ATXN1: variants seen among roughly 807,000 people sequenced by gnomAD.
The protein encoded by ATXN1 is ataxin 1.
Under a neutral mutation model 56.4 loss-of-function variants are expected in ATXN1, and 8 were observed. The observed-to-expected ratio is 0.14, with a 90% CI of 0.08 to 0.26. The LOEUF is 0.26. Among genes scored for constraint, ATXN1 ranks in the 10% least tolerant of loss-of-function variants. The pLI, the probability that ATXN1 is intolerant of heterozygous loss-of-function variation, is 1.00. For synonymous variants in ATXN1, 514 were observed against 494.6 expected, an observed-to-expected ratio of 1.04 and a Z score of -0.52; for missense variants, 987 against 1,106.5, an observed-to-expected ratio of 0.89 and a Z score of 1.53.
At chr6:16,481,695 G>C (rs1026102084) in intron 6 of ATXN1, among the ~76,000 whole-genome samples, 25 of 152,014 alleles carry the variant, frequency 1.6e-4, no homozygotes, top group Non-Finnish European at 2.4e-4. Flanking sequence ...CATTAAATGG[G>C]TTTCATTTGT....
chr6:16,692,633 A>G (rs1351368404), intron 2 of ATXN1, among the ~76,000 whole-genome samples: 2 of 146,316 alleles, frequency 1.4e-5, no homozygotes, highest in African/African-American at 2.5e-5. Flanking sequence ...TAATAAGAAG[A>G]AGACCACTAC....
chr6:16,620,230 T>C (rs1490911636), intron 3 of ATXN1, among the ~76,000 whole-genome samples: 1 of 141,264 alleles, frequency 7.1e-6, no homozygotes, highest in Non-Finnish European at 1.5e-5. Flanking sequence ...AATATTCACA[T>C]ACATATTCTC....
At chr6:16,636,250 C>A (rs1763595343) in intron 3 of ATXN1, among the ~76,000 whole-genome samples, 1 of 152,184 alleles carries the variant, frequency 6.6e-6, no homozygotes, top group Non-Finnish European at 1.5e-5. Context: ...AACTGAGATT[C>A]CAGAGAGGTT....
intron 1 of ATXN1, among the ~76,000 whole-genome samples, chr6:16,755,906 G>T (rs555419439): frequency 7.2e-5 from 11 of 152,168 alleles, no homozygotes; most frequent in Non-Finnish European, 1.3e-4. Context: ...CCACAAATGG[G>T]ATGCATTAAA....
chr6:16,434,644 C>T (rs1372211250), intron 6 of ATXN1, among the ~76,000 whole-genome samples: 3 of 152,192 alleles, frequency 2.0e-5, no homozygotes, highest in East Asian at 1.9e-4. Context: ...ATTCTTCATT[C>T]TCCCTTGATC....
At chr6:16,526,136 TATTA>T (rs1761391231) in intron 4 of ATXN1, among the ~76,000 whole-genome samples, 1 of 150,874 alleles carries the variant, frequency 6.6e-6, no homozygotes, top group African/African-American at 2.4e-5. Context: ...TTTTTTTACT[TATTA>T]ATTATATTGA....
chr6:16,652,817 C>A (rs1246070381), intron 3 of ATXN1: 1 of 152,152 alleles, frequency 6.6e-6, no homozygotes, highest in African/African-American at 2.4e-5. Context: ...TTTTCCTTCA[C>A]TTAGATGAGA....
chr6:16,458,032 C>T (rs1759914405), intron 6 of ATXN1, among the ~76,000 whole-genome samples: 1 of 152,186 alleles, frequency 6.6e-6, no homozygotes, highest in South Asian at 2.1e-4. Flanking sequence ...CCTTCGACCT[C>T]ACTTGGAGAG....
In ATXN1 at chr6:16,531,725, C is replaced by CA. The variant is rs1390313909; in HGVS notation, c.-360-9038dup. 2.0e-5 allele frequency among the ~76,000 whole-genome samples: 3 copies of CA among 151,754 alleles called. No individual in the cohort carries two copies. The East Asian group carries it at 5.8e-4, about 29-fold the overall frequency. ...AGGACATGAAAGCCATTGCCCCAATCAAAAAACAAAGGCAAAGAACACAGC... is the reference window on the plus strand; with the variant it reads ...AGGACATGAAAGCCATTGCCCCAATCAAAAAAACAAAGGCAAAGAACACAGC... On this transcript the variant is annotated intron_variant, in intron 4 of 7. Coordinates refer to ENST00000436367, the MANE Select transcript of ATXN1 (RefSeq NM_001128164.2).
intron 2 of ATXN1, among the ~76,000 whole-genome samples, chr6:16,679,275 G>GAT (rs1758754589): frequency 6.9e-6 from 1 of 145,640 alleles, no homozygotes; most frequent in African/African-American, 2.6e-5. Context: ...TGAGTTAGTG[G>GAT]GTGGATGGAT....
At chr6:16,654,951 C>T (rs112101163) in intron 3 of ATXN1, among the ~76,000 whole-genome samples, 2,272 of 152,128 alleles carry the variant, frequency 0.015, 27 homozygotes, top group Middle Eastern at 0.065. Context: ...TTATGAAACC[C>T]CAATAATGCA....
intron 2 of ATXN1, among the ~76,000 whole-genome samples, chr6:16,711,820 G>A (rs917307935): frequency 6.6e-6 from 1 of 152,090 alleles, no homozygotes; most frequent in Non-Finnish European, 1.5e-5. Flanking sequence ...GTTTCACCAT[G>A]TTGCCCAGGC....
At chr6:16,564,890 C>T (rs1275877096) in intron 4 of ATXN1, among the ~76,000 whole-genome samples, 2 of 152,064 alleles carry the variant, frequency 1.3e-5, no homozygotes, top group African/African-American at 2.4e-5. Context: ...CTCCTGCTCC[C>T]CATCTCCTGA....
Position 16,327,082 on chromosome 6 carries a change from A to C in ATXN1, c.1229T>G (p.Leu410Arg), listed in dbSNP as rs1760828472. The change falls in exon 7 of 8, where the codon CTC becomes CGC. Residue 410 changes from leucine to arginine, a missense_variant. Coordinates refer to ENST00000436367, the MANE Select transcript of ATXN1 (RefSeq NM_001128164.2). ...ATHREASPST[L>R]NDKSGLHLGK... ...TAAATGCAGGCCACTTTTGTCGTTG[A>C]GGGTAGAAGGGGAGGCTTCACGATG... 1 of 1,613,786 alleles carries C rather than the reference A, an allele frequency of 6.2e-7. No individual in the cohort carries two copies. Among genetic ancestry groups the C allele is most frequent in the Non-Finnish European group, 8.5e-7 (1 of 1,180,008 alleles).
At chr6:16,588,694 T>C (rs1477565199) in intron 3 of ATXN1, among the ~76,000 whole-genome samples, 1 of 152,144 alleles carries the variant, frequency 6.6e-6, no homozygotes, top group Non-Finnish European at 1.5e-5. Flanking sequence ...GTGTCCACTC[T>C]CACCCCTCCT....
chr6:16,741,893 G>A (rs1025151226), intron 2 of ATXN1, among the ~76,000 whole-genome samples: 5 of 152,250 alleles, frequency 3.3e-5, no homozygotes, highest in Admixed American at 2.0e-4. Flanking sequence ...AAAATAGTAC[G>A]GTTCATTTGG....
chr6:16,578,456 G>C (rs1762464121), intron 4 of ATXN1, among the ~76,000 whole-genome samples: 1 of 152,154 alleles, frequency 6.6e-6, no homozygotes, highest in Non-Finnish European at 1.5e-5. Flanking sequence ...TTCTACATTT[G>C]TACTCAACCA....
At chr6:16,532,317 C>G (rs907529538) in intron 4 of ATXN1, among the ~76,000 whole-genome samples, 1 of 152,202 alleles carries the variant, frequency 6.6e-6, no homozygotes, top group African/African-American at 2.4e-5. Context: ...GCATCCACCA[C>G]TGAACCTCGT....
chr6:16,591,158 T>A (rs1762715454), intron 3 of ATXN1, among the ~76,000 whole-genome samples: 1 of 152,162 alleles, frequency 6.6e-6, no homozygotes, highest in Non-Finnish European at 1.5e-5. Flanking sequence ...GGTCTTGCTA[T>A]GTCGCCCAGG....
Sources: gnomAD v4.1 joint callset for allele counts (sites outside exome capture counted in the v4.1 genomes callset) on GRCh38, gnomAD v4.1.1 for gene constraint, MANE v1.5 for transcripts, NCBI Gene and HGNC (gene_info 2026-07-23, HGNC 2026-07-21) for gene names.